ZDHHC14: variants seen among roughly 807,000 people sequenced by gnomAD.
ZDHHC14 encodes the protein zDHHC palmitoyltransferase 14, also known as palmitoyltransferase ZDHHC14.
A neutral mutation model predicts 47.7 loss-of-function variants in ZDHHC14; 16 were observed. The ratio of observed to expected loss-of-function variants is 0.34; its 90% CI spans 0.23 to 0.51. The LOEUF is 0.51. Ranked by LOEUF, ZDHHC14 falls within the 20% of genes least tolerant of loss-of-function variation. The pLI, the probability that ZDHHC14 is intolerant of heterozygous loss-of-function variation, is 0.97. For synonymous variants in ZDHHC14, 293 were observed against 278.9 expected (o/e 1.05, Z -0.50); for missense variants, 515 against 662.5 (o/e 0.78, Z 2.44).
At chr6:157,510,199 G>A (rs184951681) in intron 1 of ZDHHC14, among the ~76,000 whole-genome samples, 8 of 152,254 alleles carry the variant, frequency 5.3e-5, no homozygotes, top group East Asian at 1.9e-4. Context: ...GGCCCAGATC[G>A]CGCCACTGCA....
intron 1 of ZDHHC14, among the ~76,000 whole-genome samples, chr6:157,522,729 TCTCCTCCCTCCCTCCCTTTC>T (rs1780971739): frequency 8.2e-6 from 1 of 122,620 alleles, no homozygotes; most frequent in Admixed American, 8.1e-5. Context: ...ATTTCCTTTC[TCTCCTCCCTCCCTCCCTTTC>T]TTCCTCCCTC....
chr6:157,464,632 T>G (rs1275972098), intron 1 of ZDHHC14, among the ~76,000 whole-genome samples: 1 of 152,228 alleles, frequency 6.6e-6, no homozygotes, highest in Non-Finnish European at 1.5e-5. Context: ...AATGAATCTA[T>G]GAAAATTAAT....
intron 1 of ZDHHC14, among the ~76,000 whole-genome samples, chr6:157,432,687 A>G (rs1468264601): frequency 6.6e-6 from 1 of 152,218 alleles, no homozygotes; most frequent in Non-Finnish European, 1.5e-5. Context: ...CCTGTTTTGT[A>G]CTAGAAATCT....
chr6:157,405,459 C>G (rs1043818861), intron 1 of ZDHHC14, among the ~76,000 whole-genome samples: 21 of 152,154 alleles, frequency 1.4e-4, no homozygotes, highest in African/African-American at 5.1e-4. Flanking sequence ...GTCTCGATCT[C>G]CTGACCTCGT....
chr6:157,553,771 G>T (rs954545566), intron 2 of ZDHHC14, among the ~76,000 whole-genome samples: 3 of 152,110 alleles, frequency 2.0e-5, no homozygotes, highest in African/African-American at 7.2e-5. Flanking sequence ...GATAAGTTCT[G>T]AGATTAAGAA....
chr6:157,496,505 T>C (rs1780069539), intron 1 of ZDHHC14, among the ~76,000 whole-genome samples: 1 of 152,196 alleles, frequency 6.6e-6, no homozygotes, highest in South Asian at 2.1e-4. Context: ...TAAAATGTAT[T>C]CATATGGGTA....
At chr6:157,665,691 C>G (rs1169272003) in intron 8 of ZDHHC14, among the ~76,000 whole-genome samples, 3 of 152,174 alleles carry the variant, frequency 2.0e-5, no homozygotes, top group African/African-American at 7.2e-5. Context: ...TGATAGAAAG[C>G]TGGCATCAAA....
At chr6:157,531,706 G>C (rs573474168) in intron 1 of ZDHHC14, among the ~76,000 whole-genome samples, 81 of 152,202 alleles carry the variant, frequency 5.3e-4, no homozygotes, top group African/African-American at 2.0e-3. Context: ...GTATTCAGTG[G>C]CTGTGTGCCG....
At chr6:157,446,757 T>C (rs560391070) in intron 1 of ZDHHC14, among the ~76,000 whole-genome samples, 1 of 152,302 alleles carries the variant, frequency 6.6e-6, no homozygotes, top group Admixed American at 6.5e-5. Context: ...TATTACACAA[T>C]GAGTGACTTG....
At chr6:157,507,098 G>C in intron 1 of ZDHHC14, among the ~76,000 whole-genome samples, 1 of 151,970 alleles carries the variant, frequency 6.6e-6, no homozygotes, top group East Asian at 1.9e-4. Flanking sequence ...CATTATCTGT[G>C]TACTTTTTAT....
At chr6:157,642,844 ATC>A (rs1166380310) in intron 5 of ZDHHC14, among the ~76,000 whole-genome samples, 1 of 152,220 alleles carries the variant, frequency 6.6e-6, no homozygotes. Flanking sequence ...GTATATCTGT[ATC>A]TGAGTCTGAG....
chr6:157,392,774 C>G (rs559889994), intron 1 of ZDHHC14, among the ~76,000 whole-genome samples: 4 of 152,118 alleles, frequency 2.6e-5, no homozygotes, highest in Admixed American at 2.6e-4. Context: ...ATAGCTGGAG[C>G]TAACATACCA....
At chr6:157,634,477 T>G (rs1417696304) in intron 5 of ZDHHC14, among the ~76,000 whole-genome samples, 1 of 152,212 alleles carries the variant, frequency 6.6e-6, no homozygotes, top group African/African-American at 2.4e-5. Context: ...CACTATCACC[T>G]CTCTGTGCCC....
intron 1 of ZDHHC14, 60 bp downstream of exon 1, chr6:157,382,326 C>T (rs1777230668): frequency 6.3e-7 from 1 of 1,574,936 alleles, no homozygotes; most frequent in Admixed American, 2.0e-5. Flanking sequence ...TGTCCCCCGC[C>T]CCTCCTCGGG....
At chr6:157,656,590 C>T (rs949867907) in intron 8 of ZDHHC14, among the ~76,000 whole-genome samples, 1 of 151,904 alleles carries the variant, frequency 6.6e-6, no homozygotes, top group Non-Finnish European at 1.5e-5. Context: ...CCAGCCTCTG[C>T]CTCCCAAAGT....
intron 1 of ZDHHC14, among the ~76,000 whole-genome samples, chr6:157,421,448 G>A (rs1401587472): frequency 3.8e-5 from 5 of 133,214 alleles, no homozygotes; most frequent in Non-Finnish European, 7.7e-5. Context: ...AGCTGAGATC[G>A]TGCCACTGCA....
chr6:157,630,585 C>T (rs1232056739), intron 4 of ZDHHC14: 2 of 151,120 alleles, frequency 1.3e-5, no homozygotes, highest in African/African-American at 2.4e-5. Flanking sequence ...CACCCTTACA[C>T]ACTCACACTC....
At chr6:157,490,818 G>T (rs996271113) in intron 1 of ZDHHC14, among the ~76,000 whole-genome samples, 1 of 152,226 alleles carries the variant, frequency 6.6e-6, no homozygotes, top group South Asian at 2.1e-4. Context: ...GACTAATGGC[G>T]CAGCTATTGT....
chr6:157,573,734 G>A (rs372915774), intron 2 of ZDHHC14, among the ~76,000 whole-genome samples: 9 of 152,160 alleles, frequency 5.9e-5, no homozygotes, highest in East Asian at 1.9e-4. Flanking sequence ...TGCCAGCTGC[G>A]CATCCTGGCT....
Sources: gnomAD v4.1 joint callset for allele counts (sites outside exome capture counted in the v4.1 genomes callset) on GRCh38, gnomAD v4.1.1 for gene constraint, MANE v1.5 for transcripts, NCBI Gene and HGNC (gene_info 2026-07-23, HGNC 2026-07-21) for gene names.